The following SLC6A12 variants were observed in gnomAD, a reference collection of about 807,000 sequenced individuals.
SLC6A12 encodes sodium- and chloride-dependent betaine transporter.
A neutral mutation model predicts 73.3 loss-of-function variants in SLC6A12; 50 were observed. The observed-to-expected ratio is 0.68, with a 90% confidence interval of 0.54 to 0.86. The LOEUF (loss-of-function observed/expected upper bound fraction) is 0.86. Among genes scored for constraint, SLC6A12 ranks in the 40% least tolerant of loss-of-function variants. The pLI is 0.00. For synonymous variants in SLC6A12, 304 were observed against 309.2 expected (o/e 0.98, Z 0.18); for missense variants, 648 against 772.8 (o/e 0.84, Z 1.92).
downstream of SLC6A12, among the ~76,000 whole-genome samples, chr12:187,409 C>T (rs1287116254): frequency 1.3e-5 from 2 of 151,796 alleles, no homozygotes; most frequent in Non-Finnish European, 2.9e-5. Flanking sequence ...AACTGCGGAC[C>T]TTCGCGATGA....
In SLC6A12 at chr12:192,621, A is replaced by G. The variant is rs1239947698; in HGVS notation, c.1558T>C (p.Tyr520His). 1.9e-6 allele frequency: 3 copies of G among 1,614,132 alleles called. No individual in the cohort carries two copies. Among genetic ancestry groups the G allele is most frequent in the Non-Finnish European group, 2.5e-6 (3 of 1,180,010 alleles). Residue 520 changes from tyrosine (Y) to histidine (H), a missense_variant, in exon 15 of 16, where the codon TAC (tyrosine) becomes CAC (histidine). Physicochemically the swap from Tyr to His is moderately conservative, Grantham distance 83. Coordinates refer to ENST00000684302, the MANE Select transcript of SLC6A12 (RefSeq NM_001122848.3). ...LATFLFSLSK[Y>H]TPLKYNNVYV... ...ACGTTGTTGTACTTGAGGGGGGTGTACTTGCTCAAGGAGAAGAGGAAAGTG... is the reference window on the plus strand; with the variant it reads ...ACGTTGTTGTACTTGAGGGGGGTGTGCTTGCTCAAGGAGAAGAGGAAAGTG...
intron 3 of SLC6A12, among the ~76,000 whole-genome samples, chr12:209,426 G>T (rs1940812284): frequency 6.6e-6 from 1 of 151,982 alleles, no homozygotes; most frequent in South Asian, 2.1e-4. Context: ...CCTAGCGCCG[G>T]GTCTGGCACG....
chr12:208,616 C>T (rs1027307920), intron 3 of SLC6A12, among the ~76,000 whole-genome samples: 8 of 152,160 alleles, frequency 5.3e-5, no homozygotes, highest in South Asian at 4.2e-4. Flanking sequence ...GCGCATTGAA[C>T]GATTGTATTC....
intron 15 of SLC6A12, among the ~76,000 whole-genome samples, chr12:192,171 T>C (rs1939629607): frequency 6.6e-6 from 1 of 152,208 alleles, no homozygotes; most frequent in Admixed American, 6.5e-5. Context: ...TCTGGGCACC[T>C]TCCTGTTCAT....
At position 208,434 on chromosome 12, in the gene SLC6A12, T is replaced by C. The variant is rs2284331; in HGVS notation, c.214+1339A>G. 6.6e-5 allele frequency among the ~76,000 whole-genome samples: 10 copies of C among 152,334 alleles called. No homozygotes were observed. The East Asian group carries it at 1.9e-3, about 29-fold the overall frequency. On this transcript the variant is annotated intron_variant, in intron 3 of 15. Coordinates refer to ENST00000684302, the MANE Select transcript of SLC6A12 (RefSeq NM_001122848.3). ...CCGTAAATATTGGTCAGATTTAATATAAATAGTGTTTAGGAGGATTTTCTC... is the reference window on the plus strand; with the variant it reads ...CCGTAAATATTGGTCAGATTTAATACAAATAGTGTTTAGGAGGATTTTCTC...
At chr12:187,580 G>A (rs1171573357), downstream of SLC6A12, among the ~76,000 whole-genome samples, 1 of 86,442 alleles carries the variant, frequency 1.2e-5, no homozygotes, top group Non-Finnish European at 2.0e-5. Flanking sequence ...AAGATTTACT[G>A]CAAAAGAGCA....
chr12:204,718 A>T lies in SLC6A12; in HGVS notation c.215-20T>A. The T allele has an allele frequency of 1.2e-6, 2 of 1,613,438 alleles. No individual in the cohort carries two copies. The highest frequency in any genetic ancestry group is 1.7e-6 in the Non-Finnish European group (2 of 1,179,818). On this transcript the variant is annotated intron_variant, in intron 3 of 15. Coordinates refer to ENST00000684302, the MANE Select transcript of SLC6A12 (RefSeq NM_001122848.3). ...AGGCTCCTGCAGAAGAGAGAGAGGC[A>T]GGGCTGAGCCACACCCGGGCTCTTC...
At chr12:187,507 A>G (rs1418360347), downstream of SLC6A12, among the ~76,000 whole-genome samples, 2 of 148,492 alleles carry the variant, frequency 1.3e-5, no homozygotes, top group African/African-American at 2.5e-5. Flanking sequence ...GTAAACCTGC[A>G]GATTTTCCCA....
At chr12:186,055 G>A (rs1032087354), downstream of SLC6A12, among the ~76,000 whole-genome samples, 27 of 152,298 alleles carry the variant, frequency 1.8e-4, no homozygotes, top group African/African-American at 6.0e-4. Flanking sequence ...AGGACAGGGT[G>A]AGCCCAGGGT....
At chr12:191,326 A>G in intron 15 of SLC6A12, 115 bp from the exon 16 acceptor site, 1 of 821,884 alleles carries the variant, frequency 1.2e-6, no homozygotes, top group East Asian at 3.4e-5. Flanking sequence ...AGCACCGCAC[A>G]GTATGAGTGA....
downstream of SLC6A12, among the ~76,000 whole-genome samples, chr12:186,785 C>T (rs942313230): frequency 1.3e-5 from 2 of 152,168 alleles, no homozygotes; most frequent in African/African-American, 4.8e-5. Flanking sequence ...TACCCTTCTT[C>T]GGGAGAATGT....
downstream of SLC6A12, among the ~76,000 whole-genome samples, chr12:189,414 A>AGG (rs1440457956): frequency 1.3e-5 from 2 of 152,170 alleles, no homozygotes; most frequent in African/African-American, 2.4e-5. Flanking sequence ...AGCCGGTCCA[A>AGG]GGAGCGAGGG....
the SLC6A12 span, among the ~76,000 whole-genome samples, chr12:184,680 G>T: frequency 1.3e-5 from 2 of 152,178 alleles, no homozygotes; most frequent in African/African-American, 2.4e-5. Context: ...AACCCGGGAG[G>T]CGGAGCTTGC....
At position 210,047 on chromosome 12, in the gene SLC6A12, G is replaced by A. The variant is rs912007063; in HGVS notation, c.-57-4C>T. 6.3e-7 allele frequency: 1 copy of A among 1,590,650 alleles called. No homozygotes were observed. Among genetic ancestry groups the A allele is most frequent in the African/African-American group, 1.3e-5 (1 of 74,228 alleles). On this transcript the variant is annotated splice_polypyrimidine_tract_variant and splice_region_variant and intron_variant, in intron 2 of 15. Coordinates refer to ENST00000684302, the MANE Select transcript of SLC6A12 (RefSeq NM_001122848.3). ...GCAGGATGACGAGGGCCAAAGCCTG[G>A]TGGGAAGAGAAGAAATTAGCTGTAA...
In SLC6A12 at chr12:190,207, T is replaced by C. The variant is rs1300859861; in HGVS notation, c.*861A>G. On this transcript the variant is annotated 3_prime_UTR_variant, in exon 16 of 16. Transcript: ENST00000684302. ...CCAAGAAGGGGGTCCCCATGTGAAC[T>C]TGAAAAAGTCCCTTTGTCTCTTTGG... 6.6e-6 allele frequency: 1 copy of C among 152,244 alleles called. No individual in the cohort carries two copies. The allele number at this position is 152,244 out of a possible 1,614,324, so 9.4% of individuals were successfully genotyped here.
chr12:207,348 C>T (rs1396237486), intron 3 of SLC6A12, among the ~76,000 whole-genome samples: 1 of 152,240 alleles, frequency 6.6e-6, no homozygotes, highest in Non-Finnish European at 1.5e-5. Context: ...TGCCTTACCT[C>T]TGCTGCATGC....
chr12:187,273 A>G (rs1591772216), downstream of SLC6A12, among the ~76,000 whole-genome samples: 1 of 152,128 alleles, frequency 6.6e-6, no homozygotes. Context: ...ATGAAGCCGC[A>G]GACCCTCACA....
At chr12:195,826 G>T (rs1240096141) in intron 12 of SLC6A12, among the ~76,000 whole-genome samples, 1 of 152,170 alleles carries the variant, frequency 6.6e-6, no homozygotes, top group Non-Finnish European at 1.5e-5. Context: ...CTTCCTGAGA[G>T]TGCCACAAGA....
chr12:197,146 C>CATCTATCCATCT (rs1163402557), intron 10 of SLC6A12, among the ~76,000 whole-genome samples: 25 of 95,516 alleles, frequency 2.6e-4, no homozygotes, highest in South Asian at 1.1e-3. Flanking sequence ...TCCATCCATC[C>CATCTATCCATCT]ATCCATCCAT....
Sources: gnomAD v4.1 joint callset for allele counts (sites outside exome capture counted in the v4.1 genomes callset) on GRCh38, gnomAD v4.1.1 for gene constraint, MANE v1.5 for transcripts, NCBI Gene and HGNC (gene_info 2026-07-23, HGNC 2026-07-21) for gene names.